SMARCA5: variants seen among roughly 807,000 people sequenced by gnomAD.
SMARCA5 encodes SWI/SNF-related matrix-associated actin-dependent regulator of chromatin subfamily A member 5.
Under a neutral mutation model 140.4 loss-of-function variants are expected in SMARCA5, and 18 were observed. The ratio of observed to expected loss-of-function variants is 0.13; its 90% CI spans 0.09 to 0.19. The LOEUF (loss-of-function observed/expected upper bound fraction) is 0.19. Ranked by LOEUF, SMARCA5 falls within the 10% of genes least tolerant of loss-of-function variation. The probability of loss-of-function intolerance (pLI) is 1.00; values close to 1 mark genes in which losing one functional copy is unlikely to be tolerated. For synonymous variants in SMARCA5, 449 were observed against 419.6 expected (o/e 1.07, Z -0.86); for missense variants, 606 against 1,276.8 (o/e 0.47, Z 8.01).
chr4:143,521,893 C>CAAAAAAAAAAAAAAAAAAA (rs58679947), intron 3 of SMARCA5, among the ~76,000 whole-genome samples: 1 of 44,806 alleles, frequency 2.2e-5, no homozygotes, highest in Non-Finnish European at 4.3e-5. Flanking sequence ...CCCATCTCTA[C>CAAAAAAAAAAAAAAAAAAA]AAAAAAAAAA....
chr4:143,548,156 T>G lies in SMARCA5; in HGVS notation c.2985+16T>G, dbSNP rs766658569. The G allele has an allele frequency of 6.6e-7, 1 of 1,507,924 alleles. No individual in the cohort carries two copies. The highest frequency in any genetic ancestry group is 2.3e-5 in the East Asian group (1 of 44,234). The allele number at this position is 1,507,924 out of a possible 1,614,324, so 93.4% of individuals were successfully genotyped here. On this transcript the variant is annotated intron_variant, in intron 22 of 23. Transcript: ENST00000283131. ...AACTGCAATGGTGAGTGCTCAGGGC[T>G]TTTTTGTGTAATGTAGCAGAGTTCA...
Position 143,545,568 on chromosome 4 carries a change from A to G in SMARCA5, c.2382A>G (p.Lys794=), listed in dbSNP as rs1434996654. The G allele has an allele frequency of 1.3e-6, 2 of 1,572,402 alleles. No individual in the cohort carries two copies. Among genetic ancestry groups the G allele is most frequent in the African/African-American group, 1.3e-5 (1 of 74,144 alleles). Residue 794 remains lysine, a synonymous_variant, in exon 18 of 24, where the codon AAA becomes AAG. Coordinates refer to ENST00000283131, the MANE Select transcript of SMARCA5 (RefSeq NM_003601.4). ...LLEKEILFYR[K]TIGYKVPRNP... The stretch of plus-strand genomic sequence containing the variant: ...AAAAAGAAATTCTGTTTTACAGAAA[A>G]ACTATTGGGTACAAGGTAATTGAAA...
intron 3 of SMARCA5, among the ~76,000 whole-genome samples, chr4:143,523,185 C>A (rs1736998065): frequency 6.6e-6 from 1 of 152,072 alleles, no homozygotes; most frequent in Non-Finnish European, 1.5e-5. Context: ...CGCCACCACG[C>A]CCAGCTCATT....
In SMARCA5 at chr4:143,556,832, C is replaced by G. The variant is rs1432111272; in HGVS notation, c.*3648C>G. The G allele has an allele frequency of 6.6e-6, 1 of 152,048 alleles. No individual in the cohort carries two copies. The highest frequency in any genetic ancestry group is 2.4e-5 in the African/African-American group (1 of 41,392). The allele number at this position is 152,048 out of a possible 1,614,324, so 9.4% of individuals were successfully genotyped here. A position where few individuals can be genotyped will look rare whatever the true frequency, so the allele number is the denominator to read the frequency against. On this transcript the variant is annotated 3_prime_UTR_variant, in exon 24 of 24. Transcript: ENST00000283131. ...GTTTTTATTAGAATGATTAAATAGGCTTTTGCAGCATTAACTTTACAGTAG... is the reference window on the plus strand; with the variant it reads ...GTTTTTATTAGAATGATTAAATAGGGTTTTGCAGCATTAACTTTACAGTAG...
At chr4:143,550,249 T>G (rs1979776) in intron 23 of SMARCA5, 145 bp downstream of exon 23, 176,380 of 352,166 alleles carry the variant, frequency 0.5, 48,799 homozygotes, top group Non-Finnish European at 0.53. Flanking sequence ...TTTTTTTCCT[T>G]AAGGGAGAAC....
At position 143,556,484 on chromosome 4, in the gene SMARCA5, T is replaced by TA. The variant is rs924167566; in HGVS notation, c.*3307dup. The TA allele has an allele frequency of 2.0e-5, 3 of 152,220 alleles. No homozygotes were observed. The highest frequency in any genetic ancestry group is 3.4e-3 in the Middle Eastern group (1 of 294). 9.4% of individuals were successfully genotyped at this position (152,220 alleles called of 1,614,324 possible). On this transcript the variant is annotated 3_prime_UTR_variant, in exon 24 of 24. Transcript: ENST00000283131. Reference sequence around the variant, plus strand: ...CAGTAGTTTTGGAGTAGAACATTGCTAAAAAAATGGGTACTAAGGAGGGTA... The same window carrying TA: ...CAGTAGTTTTGGAGTAGAACATTGCTAAAAAAAATGGGTACTAAGGAGGGTA...
intron 9 of SMARCA5, among the ~76,000 whole-genome samples, chr4:143,532,536 C>T (rs1252666705): frequency 1.3e-5 from 2 of 152,144 alleles, no homozygotes; most frequent in Admixed American, 6.5e-5. Context: ...TTCTCCTGCT[C>T]TTTACTTTGA....
chr4:143,536,569 CTT>C lies in SMARCA5; in HGVS notation c.1388_1389del (p.Phe463Ter). 1 of 1,613,634 alleles carries C rather than the reference CTT, an allele frequency of 6.2e-7. No individual in the cohort carries two copies. The highest frequency in any genetic ancestry group is 8.5e-7 in the Non-Finnish European group (1 of 1,179,634). ...GAAAATGTTGTAATCATCCATATCT[CTT>C]TGATGGAGCAGAACCTGGTCCACCT... is the stretch of plus-strand genomic sequence containing the variant. ...LRKCCNHPYL[F>X]DGAEPGPPYT... On this transcript the variant is annotated frameshift_variant, in exon 11 of 24. Coordinates refer to ENST00000283131, the MANE Select transcript of SMARCA5 (RefSeq NM_003601.4). LOFTEE classifies it high-confidence loss of function.
Position 143,524,931 on chromosome 4 carries a change from C to T in SMARCA5, c.520+464C>T, listed in dbSNP as rs753524277. Reference sequence around the variant, plus strand: ...TATTAAAAAAGAAAAATCAGGTGACCGTTATGTATATTTGGTAATTATTCT... The same window carrying T: ...TATTAAAAAAGAAAAATCAGGTGACTGTTATGTATATTTGGTAATTATTCT... On this transcript the variant is annotated intron_variant, in intron 4 of 23. Transcript: ENST00000283131. Among the ~76,000 whole-genome samples, 93 of 151,744 alleles carry T rather than the reference C, an allele frequency of 6.1e-4. 1 individual carries two copies. Among genetic ancestry groups the T allele is most frequent in the Middle Eastern group, 3.2e-3 (1 of 316 alleles).
rs1406552172 is a variant in SMARCA5 at position 143,555,402 on chromosome 4, G to T, written c.*2218G>T. 1 of 666,250 alleles carries T rather than the reference G, an allele frequency of 1.5e-6. No homozygotes were observed. Among genetic ancestry groups the T allele is most frequent in the South Asian group, 1.4e-5 (1 of 69,608 alleles). The allele number at this position is 666,250 out of a possible 1,614,324, so 41.3% of individuals were successfully genotyped here. A position where few individuals can be genotyped will look rare whatever the true frequency, so the allele number is the denominator to read the frequency against. ...CCATGGCTGCCACCAAAGCCACCACGATCACAGAACTTGATGACTGTATTT... is the reference window on the plus strand; with the variant it reads ...CCATGGCTGCCACCAAAGCCACCACTATCACAGAACTTGATGACTGTATTT... On this transcript the variant is annotated 3_prime_UTR_variant, in exon 24 of 24. Coordinates refer to ENST00000283131, the MANE Select transcript of SMARCA5 (RefSeq NM_003601.4).
rs781537437 is a variant in SMARCA5 at position 143,521,604 on chromosome 4, T to C, written c.419+9T>C. 6.9e-6 allele frequency: 11 copies of C among 1,595,148 alleles called. No individual in the cohort carries two copies. The highest frequency in any genetic ancestry group is 9.4e-6 in the Non-Finnish European group (11 of 1,170,822). ...TTACTATCCGTTGGCGAGTGAGTAA[T>C]AGTTTAAACTTCATAGTTCAACCAA... On this transcript the variant is annotated intron_variant, in intron 3 of 23. Transcript: ENST00000283131.
At position 143,547,381 on chromosome 4, in the gene SMARCA5, A is replaced by C; in HGVS notation, c.2654-4A>C. On this transcript the variant is annotated splice_polypyrimidine_tract_variant and splice_region_variant and intron_variant, in intron 20 of 23. Coordinates refer to ENST00000283131, the MANE Select transcript of SMARCA5 (RefSeq NM_003601.4). ...GATTTGTTTACTTTGTCCAACTTTT[A>C]CAGCTGTGTTTTGGGAAAGGTGCAA... is the stretch of plus-strand genomic sequence containing the variant. 6.8e-7 allele frequency: 1 copy of C among 1,465,086 alleles called. No homozygotes were observed. Among genetic ancestry groups the C allele is most frequent in the Non-Finnish European group, 9.5e-7 (1 of 1,052,810 alleles). The allele number at this position is 1,465,086 out of a possible 1,614,324, so 90.8% of individuals were successfully genotyped here.
intron 7 of SMARCA5, 126 bp downstream of exon 7, chr4:143,528,149 T>C (rs923309080): frequency 1.2e-5 from 8 of 664,584 alleles, no homozygotes; most frequent in Non-Finnish European, 1.9e-5. Flanking sequence ...AACATAGGTA[T>C]GCATGTGCCA....
intron 1 of SMARCA5, among the ~76,000 whole-genome samples, chr4:143,516,489 CTG>C (rs1736839618): frequency 6.6e-6 from 1 of 152,060 alleles, no homozygotes. Flanking sequence ...ATTTTGTAAA[CTG>C]GACTGGGTAG....
At chr4:143,517,236 TC>T in intron 1 of SMARCA5, 118 bp from the exon 2 acceptor site, 2 of 629,578 alleles carry the variant, frequency 3.2e-6, no homozygotes, top group Non-Finnish European at 5.4e-6. Context: ...TGTTTAAGTT[TC>T]TAGGAAGTTT....
At chr4:143,552,534 C>T (rs1327356680) in intron 23 of SMARCA5, among the ~76,000 whole-genome samples, 3 of 151,882 alleles carry the variant, frequency 2.0e-5, no homozygotes, top group Non-Finnish European at 2.9e-5. Flanking sequence ...AAGTATGTCT[C>T]GTAAATGTCA....
chr4:143,536,367 G>T (rs1199917298), intron 10 of SMARCA5, 85 bp from the exon 11 acceptor site: 4 of 875,432 alleles, frequency 4.6e-6, no homozygotes. Flanking sequence ...GGGGGTTCAT[G>T]TGGGGAAGGG....
chr4:143,516,907 A>T (rs1050463739), intron 1 of SMARCA5, among the ~76,000 whole-genome samples: 1 of 152,232 alleles, frequency 6.6e-6, no homozygotes, highest in African/African-American at 2.4e-5. Context: ...GTAATATTCC[A>T]GAAGGTGGAA....
At chr4:143,515,138 T>G (rs2149815295) in intron 1 of SMARCA5, among the ~76,000 whole-genome samples, 1 of 152,348 alleles carries the variant, frequency 6.6e-6, no homozygotes, top group African/African-American at 2.4e-5. Context: ...AAAGTAATAC[T>G]GCTCCGAAGA....
Sources: gnomAD v4.1 joint callset for allele counts (sites outside exome capture counted in the v4.1 genomes callset) on GRCh38, gnomAD v4.1.1 for gene constraint, MANE v1.5 for transcripts, NCBI Gene and HGNC (gene_info 2026-07-23, HGNC 2026-07-21) for gene names.